DOCK2: variants seen among roughly 807,000 people sequenced by gnomAD.
The protein encoded by DOCK2 is dedicator of cytokinesis 2.
A neutral mutation model predicts 248.9 loss-of-function variants in DOCK2; 87 were observed. That is an observed-to-expected ratio of 0.35 (90% CI 0.29 to 0.42). The LOEUF is 0.42. DOCK2 is among the 10% of genes least tolerant of loss of function. The pLI, the probability that DOCK2 is intolerant of heterozygous loss-of-function variation, is 1.00. For synonymous variants in DOCK2, 805 were observed against 821.6 expected (o/e 0.98, Z 0.35); for missense variants, 1,747 against 2,300.2 (o/e 0.76, Z 4.92).
chr5:170,062,963 C>A (rs537715894), intron 44 of DOCK2, among the ~76,000 whole-genome samples: 2 of 152,200 alleles, frequency 1.3e-5, no homozygotes, highest in South Asian at 2.1e-4. Context: ...CAAACCTTGC[C>A]TCCTGGCTCA....
rs28380455 is a variant in DOCK2, at chr5:170,034,603, G to T, written c.3624+48G>T. 0.01 allele frequency: 16,716 copies of T among 1,604,394 alleles called. 1,453 individuals are homozygous for T. The African/African-American group carries it at 0.19, about 19-fold the overall frequency. On this transcript the variant is annotated intron_variant, in intron 35 of 51. Transcript: ENST00000520908. ...AGTCAGACCAGAACCCTGTGGGGGG[G>T]CTTGGGCTTGGCTTTGGGTCTCACG...
Position 170,057,638 on chromosome 5 carries a change from G to A in DOCK2, c.4439G>A (p.Arg1480His), listed in dbSNP as rs764242211. Residue 1480 changes from arginine (R) to histidine (H), a missense_variant, in exon 44 of 52, where the codon CGC (arginine) becomes CAC (histidine). Physicochemically the swap from Arg to His is conservative, Grantham distance 29. Transcript: ENST00000520908. Reference sequence around the variant, plus strand: ...GCATACAAGCTGCCGGGGATCCTGCGCTGGTTTGAGGTGGTGCACATGTCG... The same window carrying A: ...GCATACAAGCTGCCGGGGATCCTGCACTGGTTTGAGGTGGTGCACATGTCG... ...VTAYKLPGIL[R>H]WFEVVHMSQT... 13 of 1,613,600 alleles carry A rather than the reference G, an allele frequency of 8.1e-6. No individual in the cohort carries two copies. Among genetic ancestry groups the A allele is most frequent in the Non-Finnish European group, 1.0e-5 (12 of 1,179,742 alleles).
At chr5:169,837,367 T>C (rs1769650933) in intron 26 of DOCK2, among the ~76,000 whole-genome samples, 1 of 152,346 alleles carries the variant, frequency 6.6e-6, no homozygotes, top group Non-Finnish European at 1.5e-5. Flanking sequence ...GCTGCACTTT[T>C]ACTGCTTAGC....
chr5:169,738,637 A>G (rs1763161271), intron 22 of DOCK2, among the ~76,000 whole-genome samples: 1 of 152,256 alleles, frequency 6.6e-6, no homozygotes, highest in South Asian at 2.1e-4. Context: ...AGGTGCTTAA[A>G]AAAGAAGCTA....
chr5:169,925,444 G>A (rs1263690232), intron 27 of DOCK2, among the ~76,000 whole-genome samples: 4 of 152,006 alleles, frequency 2.6e-5, no homozygotes, highest in African/African-American at 9.7e-5. Context: ...ACTGAGCGTG[G>A]TGTTGTGCAC....
At chr5:170,046,252 A>C (rs1240969004) in intron 39 of DOCK2, among the ~76,000 whole-genome samples, 3 of 152,166 alleles carry the variant, frequency 2.0e-5, no homozygotes, top group Non-Finnish European at 4.4e-5. Flanking sequence ...TAAAAACACA[A>C]ATTTGTGCTT....
chr5:169,823,828 A>G (rs1267271944), intron 26 of DOCK2, among the ~76,000 whole-genome samples: 2 of 152,220 alleles, frequency 1.3e-5, no homozygotes, highest in African/African-American at 4.8e-5. Flanking sequence ...AGGAAGTCAA[A>G]TTGTCCCTGT....
At chr5:169,936,383 A>T (rs1561837264) in intron 27 of DOCK2, among the ~76,000 whole-genome samples, 1 of 152,134 alleles carries the variant, frequency 6.6e-6, no homozygotes. Context: ...TTATCTGGCC[A>T]TTTTAGGAGA....
intron 27 of DOCK2, among the ~76,000 whole-genome samples, chr5:169,857,469 G>A (rs77269618): frequency 0.018 from 2,680 of 152,244 alleles, 33 homozygotes; most frequent in South Asian, 0.048. Flanking sequence ...GCACGACACC[G>A]TACCCGGCCC....
At chr5:169,658,734 TAAAC>T (rs1486340098) in intron 2 of DOCK2, among the ~76,000 whole-genome samples, 1 of 150,780 alleles carries the variant, frequency 6.6e-6, no homozygotes, top group Admixed American at 6.6e-5. Context: ...ATATTAGTTT[TAAAC>T]AAACAAAAAA....
intron 22 of DOCK2, among the ~76,000 whole-genome samples, chr5:169,734,888 C>A (rs748369656): frequency 6.6e-6 from 1 of 152,198 alleles, no homozygotes; most frequent in African/African-American, 2.4e-5. Flanking sequence ...TTTAAGGACA[C>A]GAGGGCTTGC....
chr5:169,859,264 T>A (rs1771048960), intron 27 of DOCK2, among the ~76,000 whole-genome samples: 1 of 152,076 alleles, frequency 6.6e-6, no homozygotes. Context: ...AATTAGACAT[T>A]TGCAAAACCT....
chr5:169,825,767 A>C (rs1768807936), intron 26 of DOCK2, among the ~76,000 whole-genome samples: 1 of 150,466 alleles, frequency 6.6e-6, no homozygotes, highest in Non-Finnish European at 1.5e-5. Context: ...CTTAAAGTAT[A>C]ATAAAAAATA....
intron 1 of DOCK2, among the ~76,000 whole-genome samples, 176 bp downstream of exon 1, chr5:169,637,545 G>A (rs13170482): frequency 1.3e-5 from 2 of 152,154 alleles, no homozygotes; most frequent in Non-Finnish European, 2.9e-5. Context: ...GGGAGAGGAC[G>A]GCGGGACCCC....
At chr5:169,749,689 G>A (rs769921112) in intron 23 of DOCK2, among the ~76,000 whole-genome samples, 5 of 152,142 alleles carry the variant, frequency 3.3e-5, no homozygotes, top group Admixed American at 6.5e-5. Flanking sequence ...TCACTACCAC[G>A]GCATTAGCCT....
chr5:169,761,679 T>G, intron 25 of DOCK2, 54 bp downstream of exon 25: 8 of 1,487,742 alleles, frequency 5.4e-6, no homozygotes, highest in Non-Finnish European at 7.5e-6. Context: ...AAACCCCACA[T>G]CATTTTGGGG....
chr5:170,009,454 C>T (rs1468993623), intron 32 of DOCK2, among the ~76,000 whole-genome samples: 1 of 152,138 alleles, frequency 6.6e-6, no homozygotes, highest in Non-Finnish European at 1.5e-5. Flanking sequence ...GTTTTGATTC[C>T]ACAAGGACAG....
At chr5:169,757,320 C>T (rs184977902) in intron 23 of DOCK2, among the ~76,000 whole-genome samples, 5 of 152,092 alleles carry the variant, frequency 3.3e-5, no homozygotes, top group Admixed American at 3.3e-4. Flanking sequence ...GGAGGAATGT[C>T]ATAATGCTTC....
intron 22 of DOCK2, among the ~76,000 whole-genome samples, chr5:169,721,218 G>A (rs1353896238): frequency 6.6e-6 from 1 of 152,182 alleles, no homozygotes; most frequent in African/African-American, 2.4e-5. Flanking sequence ...TTCAGGAGCA[G>A]GGTGATCTGT....
Sources: allele counts gnomAD v4.1 joint callset (sites outside exome capture counted in the v4.1 genomes callset), GRCh38; gene constraint gnomAD v4.1.1; transcripts MANE v1.5; gene names NCBI Gene and HGNC (gene_info 2026-07-23, HGNC 2026-07-21).